Variants in NARS1 observed in about 807,000 individuals in gnomAD.
NARS1 encodes asparaginyl-tRNA synthetase 1, also known as asparagine--tRNA ligase, cytoplasmic.
NARS1 carries 65 observed loss-of-function variants against 79.2 expected under a neutral mutation model. That is an observed-to-expected ratio of 0.82 (90% CI 0.67 to 1.01). The LOEUF is 1.01. Among genes scored for constraint, NARS1 ranks in the 50% least tolerant of loss-of-function variants. The pLI is 0.00. For missense variants in NARS1, 649 were observed against 673.8 expected, an observed-to-expected ratio of 0.96 and a Z score of 0.41; for synonymous variants, 229 against 238.8, an observed-to-expected ratio of 0.96 and a Z score of 0.38.
intron 11 of NARS1, among the ~76,000 whole-genome samples, chr18:57,604,182 C>T (rs906991994): frequency 3.3e-5 from 5 of 152,228 alleles, no homozygotes; most frequent in African/African-American, 7.2e-5. Context: ...CACTCAACTA[C>T]ACTATTTTAC....
Position 57,613,679 on chromosome 18 carries a change from A to C in NARS1, c.344T>G (p.Val115Gly). Residue 115 changes from valine (V) to glycine (G), a missense_variant and splice_region_variant, in exon 5 of 14, where the codon GTG becomes GGG. Physicochemically the swap from Val to Gly is moderately radical, Grantham distance 109. Coordinates refer to ENST00000256854, the MANE Select transcript of NARS1 (RefSeq NM_004539.4). ...ATATCCTTCTAACGCACCAATCTTC[A>C]CCTGTCAAATTGAAATAAACAACAT... ...NDPSLPEPKC[V>G]KIGALEGYRG... The C allele has an allele frequency of 6.2e-7, 1 of 1,613,202 alleles. No individual in the cohort carries two copies. Among genetic ancestry groups the C allele is most frequent in the Non-Finnish European group, 8.5e-7 (1 of 1,179,320 alleles).
intron 2 of NARS1, among the ~76,000 whole-genome samples, chr18:57,619,057 G>A (rs1483116322): frequency 1.3e-5 from 2 of 152,186 alleles, no homozygotes; most frequent in African/African-American, 4.8e-5. Flanking sequence ...ACAAAAAAAG[G>A]GGATGCACAG....
intron 4 of NARS1, among the ~76,000 whole-genome samples, chr18:57,614,590 A>G (rs1478423055): frequency 6.6e-6 from 1 of 152,234 alleles, no homozygotes; most frequent in Non-Finnish European, 1.5e-5. Context: ...GGGTTCCAGA[A>G]AGAACAGAAG....
intron 6 of NARS1, 37 bp downstream of exon 6, chr18:57,611,600 A>T: frequency 7.3e-7 from 1 of 1,378,246 alleles, no homozygotes; most frequent in Non-Finnish European, 1.0e-6. Flanking sequence ...TACTGAAAAC[A>T]TCTAATTTTC....
Position 57,601,658 on chromosome 18 carries a change from C to G in NARS1, c.1641G>C (p.Thr547=). The G allele has an allele frequency of 1.2e-6, 2 of 1,613,374 alleles. No homozygotes were observed. Among genetic ancestry groups the G allele is most frequent in the Non-Finnish European group, 1.7e-6 (2 of 1,179,496 alleles). The change falls in exon 14 of 14, where the codon ACG becomes ACC. Residue 547 remains threonine, a synonymous_variant. Coordinates refer to ENST00000256854, the MANE Select transcript of NARS1 (RefSeq NM_004539.4). ...CLYPRFVQRC[T]P is the part of the protein sequence containing the mutation. ...ACGCTTCTGGAGAAAATGGTTATGG[C>G]GTGCAACGCTGGACAAATCGAGGGT...
intron 11 of NARS1, among the ~76,000 whole-genome samples, chr18:57,605,419 C>T (rs181131462): frequency 6.6e-6 from 1 of 151,310 alleles, no homozygotes; most frequent in Admixed American, 6.6e-5. Context: ...CCATCCTGGC[C>T]AACATGGTGA....
At chr18:57,608,774 T>A (rs937436448) in intron 7 of NARS1, among the ~76,000 whole-genome samples, 1 of 152,230 alleles carries the variant, frequency 6.6e-6, no homozygotes, top group African/African-American at 2.4e-5. Flanking sequence ...GGATACAAAG[T>A]ATTTTCTGGG....
chr18:57,614,134 C>T (rs1599037895), intron 4 of NARS1, among the ~76,000 whole-genome samples: 1 of 152,182 alleles, frequency 6.6e-6, no homozygotes, highest in East Asian at 1.9e-4. Context: ...GAGGAAGGGG[C>T]TGTTGCATGT....
chr18:57,601,903 T>TAC, intron 13 of NARS1, 120 bp from the exon 14 acceptor site: 1 of 1,048,708 alleles, frequency 9.5e-7, no homozygotes, highest in Non-Finnish European at 1.4e-6. Flanking sequence ...AATTCAACTA[T>TAC]GGCCAGATTC....
chr18:57,621,334 A>ACTC (rs1338369325), intron 1 of NARS1, among the ~76,000 whole-genome samples: 2 of 152,002 alleles, frequency 1.3e-5, no homozygotes, highest in Non-Finnish European at 2.9e-5. Flanking sequence ...GAGAAAAACA[A>ACTC]CTAGAATCCT....
At position 57,601,484 on chromosome 18, in the gene NARS1, A is replaced by T; in HGVS notation, c.*168T>A. On this transcript the variant is annotated 3_prime_UTR_variant, in exon 14 of 14. Coordinates refer to ENST00000256854, the MANE Select transcript of NARS1 (RefSeq NM_004539.4). ...ATTTTTTCTTAAGATGACAACCTTAATATCACTTGATGTTCAGGTGATTTG... is the reference window on the plus strand; with the variant it reads ...ATTTTTTCTTAAGATGACAACCTTATTATCACTTGATGTTCAGGTGATTTG... The T allele has an allele frequency of 1.6e-6, 1 of 627,610 alleles. No homozygotes were observed. 38.9% of individuals were successfully genotyped at this position (627,610 alleles called of 1,614,324 possible).
intron 7 of NARS1, among the ~76,000 whole-genome samples, chr18:57,609,049 CCTGGGCCTTTGGCCA>C (rs1485182963): frequency 1.3e-5 from 2 of 152,200 alleles, no homozygotes; most frequent in Non-Finnish European, 2.9e-5. Flanking sequence ...GACAGGGGCT[CCTGGGCCTTTGGCCA>C]CAGACTGAAG....
chr18:57,617,032 C>G (rs975064780), intron 2 of NARS1, among the ~76,000 whole-genome samples: 6 of 149,410 alleles, frequency 4.0e-5, no homozygotes, highest in African/African-American at 1.5e-4. Context: ...TAGAATACCT[C>G]TTTTCCCCAA....
intron 1 of NARS1, 32 bp from the exon 2 acceptor site, chr18:57,620,683 T>G: frequency 7.1e-7 from 1 of 1,408,618 alleles, no homozygotes; most frequent in Admixed American, 1.8e-5. Context: ...AGTTATGGTC[T>G]GGCCATTAAC....
intron 11 of NARS1, among the ~76,000 whole-genome samples, chr18:57,604,390 T>TAA (rs1205429706): frequency 8.4e-5 from 12 of 142,876 alleles, no homozygotes; most frequent in Middle Eastern, 3.6e-3. Flanking sequence ...TCCATCTCTT[T>TAA]AAAAAAAAAA....
chr18:57,607,614 C>A lies in NARS1; in HGVS notation c.631G>T (p.Ala211Ser), dbSNP rs2051570319. The change falls in exon 8 of 14, where the codon GCC (alanine) becomes TCC (serine). Residue 211 changes from alanine to serine, a missense_variant. Physicochemically the swap from Ala to Ser is moderately conservative, Grantham distance 99 (BLOSUM62 1). Transcript: ENST00000256854. ...AGGTTGTCAGCTCCTCCAGCAGGGGCCAACCCAATTAGTTCCCAGAAGTCA... is the reference window on the plus strand; with the variant it reads ...AGGTTGTCAGCTCCTCCAGCAGGGGACAACCCAATTAGTTCCCAGAAGTCA... The part of the protein sequence containing the change: ...SCDFWELIGL[A>S]PAGGADNLIN... 2 of 1,613,958 alleles carry A rather than the reference C, an allele frequency of 1.2e-6. No individual in the cohort carries two copies. Among genetic ancestry groups the A allele is most frequent in the African/African-American group, 1.3e-5 (1 of 74,898 alleles).
chr18:57,613,506 G>A (rs747679779), intron 5 of NARS1, 96 bp downstream of exon 5: 1 of 1,073,686 alleles, frequency 9.3e-7, no homozygotes, highest in Non-Finnish European at 1.4e-6. Flanking sequence ...AAAAAAGGGG[G>A]AGAGAAAAAA....
Position 57,607,319 on chromosome 18 carries a change from T to A in NARS1, c.816A>T (p.Thr272=), listed in dbSNP as rs761227631. ...DRGYYEVTPP[T]LVQTQVEGGA... is the part of the protein sequence containing the mutation. ...CACCTTCTACTTGTGTTTGCACTAA[T>A]GTTGGAGGAGTAACCTGTTCAAATG... Residue 272 remains threonine (T), a synonymous_variant, in exon 9 of 14, where the codon ACA becomes ACT. Transcript: ENST00000256854. 6.2e-7 allele frequency: 1 copy of A among 1,614,052 alleles called. No homozygotes were observed. Among genetic ancestry groups the A allele is most frequent in the African/African-American group, 1.3e-5 (1 of 74,932 alleles).
intron 3 of NARS1, 33 bp from the exon 4 acceptor site, chr18:57,615,763 G>T (rs752192858): frequency 1.9e-6 from 3 of 1,609,356 alleles, no homozygotes; most frequent in Non-Finnish European, 2.5e-6. Context: ...TTGTTAACAT[G>T]GTTGCCAGAG....
Sources: allele counts gnomAD v4.1 joint callset (sites outside exome capture counted in the v4.1 genomes callset), GRCh38; gene constraint gnomAD v4.1.1; transcripts MANE v1.5; gene names NCBI Gene and HGNC (gene_info 2026-07-23, HGNC 2026-07-21).